Variants in GUCY1A2 observed in about 807,000 individuals in gnomAD.
GUCY1A2 encodes guanylate cyclase soluble subunit alpha-2.
GUCY1A2 carries 27 observed loss-of-function variants against 63.5 expected under a neutral mutation model. That is an observed-to-expected ratio of 0.43 (90% CI 0.31 to 0.59). The LOEUF (loss-of-function observed/expected upper bound fraction) is 0.59, where lower values mean the gene tolerates loss of function less well. GUCY1A2 is among the 20% of genes least tolerant of loss of function. The pLI, the probability that GUCY1A2 is intolerant of heterozygous loss-of-function variation, is 0.11. For synonymous variants in GUCY1A2, 364 were observed against 343.5 expected (o/e 1.06, Z -0.66); for missense variants, 768 against 913.3 (o/e 0.84, Z 2.05).
At chr11:106,710,368 AATATAGTTATAT>A (rs1233548123) in intron 6 of GUCY1A2, among the ~76,000 whole-genome samples, 1 of 116,442 alleles carries the variant, frequency 8.6e-6, no homozygotes, top group African/African-American at 3.3e-5. Context: ...ACATGTATAT[AATATAGTTATAT>A]ATATAATATA....
chr11:107,003,784 C>T (rs559104870), intron 1 of GUCY1A2, among the ~76,000 whole-genome samples: 19 of 152,256 alleles, frequency 1.2e-4, no homozygotes, highest in South Asian at 2.1e-4. Flanking sequence ...CTCACCATCA[C>T]GAGTTGGGTT....
At chr11:106,945,911 G>C (rs766142693) in intron 3 of GUCY1A2, among the ~76,000 whole-genome samples, 1 of 152,178 alleles carries the variant, frequency 6.6e-6, no homozygotes, top group Non-Finnish European at 1.5e-5. Context: ...GTTGCAGTGA[G>C]CTGAGATCAC....
chr11:106,866,971 G>A (rs1359206250), intron 4 of GUCY1A2, among the ~76,000 whole-genome samples: 1 of 151,888 alleles, frequency 6.6e-6, no homozygotes, highest in Non-Finnish European at 1.5e-5. Flanking sequence ...ACAAGCCCTA[G>A]GTACTGCTTT....
chr11:106,710,173 ATATAGT>A (rs1206574496), intron 6 of GUCY1A2, among the ~76,000 whole-genome samples: 9 of 63,224 alleles, frequency 1.4e-4, no homozygotes, highest in African/African-American at 4.3e-4. Context: ...CATGTATATA[ATATAGT>A]TATATATATA....
rs1179183915 is a variant in GUCY1A2 at position 107,017,890 on chromosome 11, C to T, written c.166G>A (p.Ala56Thr). The stretch of plus-strand genomic sequence containing the variant: ...GCCGGGGTCGGGGCCGGGGCGGCGG[C>T]AGCGGCAGCTGCGGCCGGGCTGGGC... ...LEPSPAAAAA[A>T]AAPAPTPAAS... Residue 56 changes from alanine (A) to threonine (T), a missense_variant, in exon 1 of 8, where the codon GCC becomes ACC. Coordinates refer to ENST00000526355, the MANE Select transcript of GUCY1A2 (RefSeq NM_000855.3). The T allele has an allele frequency of 4.8e-6, 6 of 1,247,152 alleles. No individual in the cohort carries two copies. The African/African-American group carries it at 7.8e-5, about 16-fold the overall frequency. 77.3% of individuals were successfully genotyped at this position (1,247,152 alleles called of 1,614,324 possible). A position where few individuals can be genotyped will look rare whatever the true frequency, so the allele number is the denominator to read the frequency against.
intron 3 of GUCY1A2, among the ~76,000 whole-genome samples, chr11:106,948,390 A>G (rs991691136): frequency 6.6e-6 from 1 of 152,170 alleles, no homozygotes; most frequent in African/African-American, 2.4e-5. Context: ...AGCAGTGGAA[A>G]ATATATCAGC....
chr11:106,807,940 C>T (rs1053216196), intron 5 of GUCY1A2, among the ~76,000 whole-genome samples: 4 of 152,158 alleles, frequency 2.6e-5, no homozygotes, highest in African/African-American at 4.8e-5. Context: ...CTCAAGCCTT[C>T]GGCCACAGAC....
chr11:106,732,962 C>T (rs1863529130), intron 6 of GUCY1A2, among the ~76,000 whole-genome samples: 1 of 152,058 alleles, frequency 6.6e-6, no homozygotes, highest in Non-Finnish European at 1.5e-5. Flanking sequence ...AAATTTAGTC[C>T]CTGAGAAAAA....
chr11:106,812,900 G>A (rs1435796298), intron 4 of GUCY1A2, among the ~76,000 whole-genome samples: 1 of 151,846 alleles, frequency 6.6e-6, no homozygotes, highest in East Asian at 1.9e-4. Flanking sequence ...TTCTATCAGT[G>A]AACTTTTTAT....
intron 4 of GUCY1A2, among the ~76,000 whole-genome samples, chr11:106,863,189 G>A (rs1445010944): frequency 6.6e-6 from 1 of 152,120 alleles, no homozygotes; most frequent in African/African-American, 2.4e-5. Context: ...ATTGCTTTTG[G>A]TGTTTTAGTC....
intron 3 of GUCY1A2, among the ~76,000 whole-genome samples, chr11:106,957,056 C>G (rs2120047239): frequency 6.6e-6 from 1 of 152,320 alleles, no homozygotes; most frequent in Middle Eastern, 3.4e-3. Context: ...AAGAGGCACT[C>G]TAGCCGCAGA....
Position 106,709,493 on chromosome 11 carries a change from TATATA to T in GUCY1A2, c.1837-832_1837-828del, listed in dbSNP as rs1188240548. Among the ~76,000 whole-genome samples, 65 of 56,120 alleles carry T rather than the reference TATATA, an allele frequency of 1.2e-3. 1 individual carries two copies. Among genetic ancestry groups the T allele is most frequent in the African/African-American group, 3.4e-3 (27 of 7,974 alleles). The allele number at this position is 56,120 out of a possible 152,430, so 36.8% of individuals were successfully genotyped here. On this transcript the variant is annotated intron_variant, in intron 6 of 7. Transcript: ENST00000526355. ...ATATATATTATTATATATTTATATA[TATATA>T]ATAATATATATTATTCTATAAATAT...
intron 5 of GUCY1A2, among the ~76,000 whole-genome samples, chr11:106,778,678 T>C (rs1167013255): frequency 6.6e-6 from 1 of 151,800 alleles, no homozygotes; most frequent in Non-Finnish European, 1.5e-5. Flanking sequence ...AAAAAAGAAA[T>C]GGGACTATGT....
intron 4 of GUCY1A2, among the ~76,000 whole-genome samples, chr11:106,910,606 T>C (rs764032850): frequency 2.6e-5 from 4 of 152,066 alleles, no homozygotes; most frequent in Non-Finnish European, 4.4e-5. Flanking sequence ...CTTTTCTCAG[T>C]TTCCCTTGCA....
chr11:106,958,930 T>C (rs1460504270), intron 3 of GUCY1A2, among the ~76,000 whole-genome samples: 1 of 152,204 alleles, frequency 6.6e-6, no homozygotes, highest in Non-Finnish European at 1.5e-5. Flanking sequence ...ATCATGAATA[T>C]ATAAAATGTT....
intron 5 of GUCY1A2, among the ~76,000 whole-genome samples, chr11:106,791,756 C>A (rs117051415): frequency 1.3e-5 from 2 of 152,252 alleles, no homozygotes; most frequent in Admixed American, 1.3e-4. Context: ...ACCTCTCATG[C>A]CACATCTTTT....
chr11:106,910,244 A>G (rs1860274073), intron 4 of GUCY1A2, among the ~76,000 whole-genome samples: 1 of 152,020 alleles, frequency 6.6e-6, no homozygotes. Flanking sequence ...TTAGTTTTAA[A>G]TAAAAAATCC....
At position 106,804,887 on chromosome 11, in the gene GUCY1A2, A is replaced by G. The variant is rs1040068336; in HGVS notation, c.1692+5106T>C. ...TATCTAGACATGTTGCCTGGTTTCCAGTTCCTATCATCTAGTCCCCTTGGG... is the reference window on the plus strand; with the variant it reads ...TATCTAGACATGTTGCCTGGTTTCCGGTTCCTATCATCTAGTCCCCTTGGG... On this transcript the variant is annotated intron_variant, in intron 5 of 7. Coordinates refer to ENST00000526355, the MANE Select transcript of GUCY1A2 (RefSeq NM_000855.3). 5.3e-5 allele frequency among the ~76,000 whole-genome samples: 8 copies of G among 152,148 alleles called. No individual in the cohort carries two copies. The East Asian group carries it at 1.5e-3, about 29-fold the overall frequency.
intron 4 of GUCY1A2, among the ~76,000 whole-genome samples, chr11:106,863,981 C>G (rs1361365161): frequency 6.6e-6 from 1 of 151,928 alleles, no homozygotes; most frequent in East Asian, 1.9e-4. Flanking sequence ...GATTTTGTAT[C>G]CTGAGACTTT....
Sources: allele counts gnomAD v4.1 joint callset (sites outside exome capture counted in the v4.1 genomes callset), GRCh38; gene constraint gnomAD v4.1.1; transcripts MANE v1.5; gene names NCBI Gene and HGNC (gene_info 2026-07-23, HGNC 2026-07-21).